Variants in ZFHX3 observed in about 807,000 individuals in gnomAD.
ZFHX3 encodes zinc finger homeobox protein 3.
A neutral mutation model predicts 279.1 loss-of-function variants in ZFHX3; 42 were observed. That is an observed-to-expected ratio of 0.15 (90% CI 0.12 to 0.19). ZFHX3 has a LOEUF of 0.19. ZFHX3 is among the 10% of genes least tolerant of loss of function. The probability of loss-of-function intolerance (pLI) is 1.00; values close to 1 mark genes in which losing one functional copy is unlikely to be tolerated. For synonymous variants in ZFHX3, 2,293 were observed against 1,957.8 expected, an observed-to-expected ratio of 1.17 and a Z score of -4.52; for missense variants, 4,981 against 4,754.0, an observed-to-expected ratio of 1.05 and a Z score of -1.40.
At chr16:73,378,687 G>A (rs1217822107) in intron 3 of ZFHX3, among the ~76,000 whole-genome samples, 2 of 152,112 alleles carry the variant, frequency 1.3e-5, no homozygotes, top group Non-Finnish European at 2.9e-5. Context: ...CCTCGTCCTT[G>A]ACCAACTTGG....
At chr16:73,362,363 C>A (rs2016447446) in intron 3 of ZFHX3, among the ~76,000 whole-genome samples, 1 of 152,204 alleles carries the variant, frequency 6.6e-6, no homozygotes, top group Non-Finnish European at 1.5e-5. Context: ...GGGGGCTTGA[C>A]CACCCATGGG....
At chr16:73,219,868 C>T (rs1367543103) in intron 5 of ZFHX3, among the ~76,000 whole-genome samples, 1 of 152,068 alleles carries the variant, frequency 6.6e-6, no homozygotes, top group African/African-American at 2.4e-5. Flanking sequence ...GGCAGATGAC[C>T]TGAGGTCAGG....
intron 1 of ZFHX3, chr16:73,058,508 A>G (rs1302848017): frequency 1.5e-5 from 2 of 135,830 alleles, no homozygotes; most frequent in South Asian, 2.1e-4. Flanking sequence ...GAAAAAAAAA[A>G]GAGGGAAAAG....
intron 3 of ZFHX3, among the ~76,000 whole-genome samples, chr16:73,445,591 G>A (rs1166070675): frequency 2.6e-5 from 4 of 152,136 alleles, no homozygotes; most frequent in Non-Finnish European, 5.9e-5. Flanking sequence ...CAAGATGCCT[G>A]AAATTCACAA....
upstream of ZFHX3, chr16:73,062,056 A>G (rs1479562048): frequency 1.3e-5 from 2 of 152,138 alleles, no homozygotes; most frequent in Non-Finnish European, 2.9e-5. Context: ...TCCAGCATCT[A>G]TATGGATTAT....
At chr16:73,799,903 C>G (rs1431591236) in intron 1 of ZFHX3, among the ~76,000 whole-genome samples, 1 of 151,946 alleles carries the variant, frequency 6.6e-6, no homozygotes, top group Non-Finnish European at 1.5e-5. Context: ...ATAATAACAA[C>G]AACGACTTAA....
chr16:73,416,311 C>T (rs1254126370), intron 3 of ZFHX3, among the ~76,000 whole-genome samples: 1 of 151,928 alleles, frequency 6.6e-6, no homozygotes, highest in Non-Finnish European at 1.5e-5. Context: ...TTTACAGAAT[C>T]CTTTATAGGG....
rs980935233 is a variant in ZFHX3, at chr16:73,562,204, T to A, written c.-1546-105946A>T. 7.9e-5 allele frequency among the ~76,000 whole-genome samples: 12 copies of A among 152,170 alleles called. 1 individual carries two copies. The highest frequency in any genetic ancestry group is 2.9e-4 in the African/African-American group (12 of 41,446). On this transcript the variant is annotated intron_variant, in intron 2 of 17. Coordinates refer to the ZFHX3 transcript ENST00000641206. ...GCCAAGATAGCACCTACCCTAGGAA[T>A]TTCTCTGTCAAAGTCGTCACTAAAA...
rs2011690521 is a variant in ZFHX3 at position 73,203,816 on chromosome 16, C to T, written c.-1104+53231G>A. Among the ~76,000 whole-genome samples the T allele has an allele frequency of 2.0e-5, 3 of 152,154 alleles. 1 individual carries two copies. The South Asian group carries it at 6.2e-4, about 32-fold the overall frequency. On this transcript the variant is annotated intron_variant, in intron 5 of 17. Coordinates refer to the ZFHX3 transcript ENST00000641206. The stretch of plus-strand genomic sequence containing the variant: ...TTACAAATGCTCAGTGGTACCTGGG[C>T]ATGACTCCCATTTGAGCCAGTGACA...
chr16:72,973,047 G>A (rs183449640), intron 1 of ZFHX3, among the ~76,000 whole-genome samples: 62 of 152,188 alleles, frequency 4.1e-4, no homozygotes, highest in South Asian at 2.9e-3. Flanking sequence ...CTGAAATTAC[G>A]AGCTGACTCC....
intron 2 of ZFHX3, among the ~76,000 whole-genome samples, chr16:73,661,067 C>T (rs2052778253): frequency 6.6e-6 from 1 of 152,216 alleles, no homozygotes; most frequent in African/African-American, 2.4e-5. Context: ...CATAACACAG[C>T]TGTTCCTAAG....
At chr16:73,536,011 C>T (rs1051248093) in intron 2 of ZFHX3, among the ~76,000 whole-genome samples, 8 of 152,074 alleles carry the variant, frequency 5.3e-5, no homozygotes, top group African/African-American at 1.2e-4. Flanking sequence ...TGTGAGCCAC[C>T]GCTCTCGGCC....
chr16:73,241,428 G>T (rs1597237753), intron 5 of ZFHX3, among the ~76,000 whole-genome samples: 1 of 152,240 alleles, frequency 6.6e-6, no homozygotes, highest in East Asian at 1.9e-4. Context: ...CAGGAAAGGG[G>T]GTCACTCAGG....
intron 1 of ZFHX3, among the ~76,000 whole-genome samples, chr16:72,992,462 T>C (rs1161125803): frequency 6.6e-6 from 1 of 152,182 alleles, no homozygotes; most frequent in African/African-American, 2.4e-5. Context: ...GGATCTAATG[T>C]GAGGCTGGGT....
rs564870837 is a variant in ZFHX3 at position 73,136,242 on chromosome 16, A to G, written c.-1023-5148T>C. Reference sequence around the variant, plus strand: ...TTTTTCTTGTCCTTCTTTTATTCCTATGTCTTCCACAGTAAACAAGGAGAT... The same window carrying G: ...TTTTTCTTGTCCTTCTTTTATTCCTGTGTCTTCCACAGTAAACAAGGAGAT... On this transcript the variant is annotated intron_variant, in intron 6 of 17. Transcript: ENST00000641206. 8.6e-5 allele frequency among the ~76,000 whole-genome samples: 13 copies of G among 151,810 alleles called. No individual in the cohort carries two copies. The South Asian group carries it at 1.5e-3, about 17-fold the overall frequency.
chr16:73,820,208 G>T (rs906817804), intron 1 of ZFHX3, among the ~76,000 whole-genome samples: 2 of 152,184 alleles, frequency 1.3e-5, no homozygotes, highest in Admixed American at 1.3e-4. Context: ...TCCTGCCTCA[G>T]CCTCCCGAGT....
intron 1 of ZFHX3, among the ~76,000 whole-genome samples, chr16:73,885,540 T>A (rs891198107): frequency 6.6e-6 from 1 of 152,160 alleles, no homozygotes; most frequent in Non-Finnish European, 1.5e-5. Flanking sequence ...GATGATCTAC[T>A]TCTTTTTGTT....
Position 73,047,740 on chromosome 16 carries a change from G to A in ZFHX3, c.-50+12C>T, listed in dbSNP as rs1965351023. On this transcript the variant is annotated intron_variant, in intron 1 of 9. Coordinates refer to ENST00000268489, the MANE Select transcript of ZFHX3 (RefSeq NM_006885.4). The stretch of plus-strand genomic sequence containing the variant: ...GGCCGGCTGCGCGGACCCGGAGGGA[G>A]GCTGCACTCACCTGGCACACCAAGC... 6.6e-6 allele frequency: 1 copy of A among 152,486 alleles called. No individual in the cohort carries two copies. The highest frequency in any genetic ancestry group is 1.5e-5 in the Non-Finnish European group (1 of 68,256). 9.4% of individuals were successfully genotyped at this position (152,486 alleles called of 1,614,324 possible).
chr16:73,120,993 C>T (rs555049860), intron 7 of ZFHX3, among the ~76,000 whole-genome samples: 115 of 152,054 alleles, frequency 7.6e-4, no homozygotes, highest in Non-Finnish European at 1.4e-3. Flanking sequence ...TCTATTTATC[C>T]GCTTAAGCCA....
Sources: gnomAD v4.1 joint callset for allele counts (sites outside exome capture counted in the v4.1 genomes callset) on GRCh38, gnomAD v4.1.1 for gene constraint, MANE v1.5 for transcripts, NCBI Gene and HGNC (gene_info 2026-07-23, HGNC 2026-07-21) for gene names.